Variants in SEMA3E observed in about 807,000 individuals in gnomAD.
The protein encoded by SEMA3E is semaphorin 3E.
SEMA3E carries 49 observed loss-of-function variants against 93.6 expected under a neutral mutation model. The observed-to-expected ratio is 0.52, with a 90% CI of 0.42 to 0.66. The LOEUF (loss-of-function observed/expected upper bound fraction) is 0.66, where lower values mean the gene tolerates loss of function less well. SEMA3E is among the 30% of genes least tolerant of loss of function. The pLI is 0.00. For missense variants in SEMA3E, 906 were observed against 964.8 expected, an observed-to-expected ratio of 0.94 and a Z score of 0.81; for synonymous variants, 363 against 330.7, an observed-to-expected ratio of 1.10 and a Z score of -1.06.
Position 83,407,203 on chromosome 7 carries a change from T to A in SEMA3E, c.707A>T (p.Asn236Ile), listed in dbSNP as rs774036972. 1.9e-5 allele frequency: 31 copies of A among 1,613,298 alleles called. 1 individual carries two copies. The South Asian group carries it at 3.2e-4, about 17-fold the overall frequency. ...TACTTTGTTGTCATCTCTGTCTTCATTGTCAGGAATCATGTATGAACCTAC... is the reference window on the plus strand; with the variant it reads ...TACTTTGTTGTCATCTCTGTCTTCAATGTCAGGAATCATGTATGAACCTAC... The part of the protein sequence containing the change: ...KFVGSYMIPD[N>I]EDRDDNKVYF... Residue 236 changes from asparagine (N) to isoleucine (I), a missense_variant, in exon 7 of 17, where the codon AAT (asparagine) becomes ATT (isoleucine). Physicochemically the swap from Asn to Ile is moderately radical, Grantham distance 149. Transcript: ENST00000643230.
intron 1 of SEMA3E, among the ~76,000 whole-genome samples, chr7:83,619,900 T>TAGACAGACAGACAGACAGACAGAC (rs1224607258): frequency 3.4e-5 from 4 of 117,812 alleles, no homozygotes; most frequent in East Asian, 2.5e-4. Flanking sequence ...GATAGATAGA[T>TAGACAGACAGACAGACAGACAGAC]AGACAGATAG....
chr7:83,518,714 C>A (rs533057480), intron 1 of SEMA3E, among the ~76,000 whole-genome samples: 1 of 152,036 alleles, frequency 6.6e-6, no homozygotes, highest in Non-Finnish European at 1.5e-5. Context: ...TTTCTCTGTC[C>A]TGCTGCATTC....
intron 2 of SEMA3E, among the ~76,000 whole-genome samples, chr7:83,472,533 T>A (rs1204020472): frequency 6.6e-6 from 1 of 152,152 alleles, no homozygotes; most frequent in Admixed American, 6.5e-5. Flanking sequence ...TCACCTTCCC[T>A]CACCAGAATG....
At chr7:83,617,391 T>G (rs1584367079) in intron 1 of SEMA3E, among the ~76,000 whole-genome samples, 1 of 147,732 alleles carries the variant, frequency 6.8e-6, no homozygotes, top group East Asian at 2.0e-4. Context: ...CCATTTCACT[T>G]ACTGGAATTT....
In SEMA3E at chr7:83,363,296, T is replaced by C. The variant is rs1343174873; in HGVS notation, c.*4290A>G. On this transcript the variant is annotated 3_prime_UTR_variant, in exon 17 of 17. Coordinates refer to ENST00000643230, the MANE Select transcript of SEMA3E (RefSeq NM_012431.3). The stretch of plus-strand genomic sequence containing the variant: ...TCGAAGTTGAGCCAAATAGAGATTG[T>C]ACATAATGGTACATAGCGCGTAGTG... The C allele has an allele frequency of 6.6e-6, 1 of 152,198 alleles. No homozygotes were observed. The highest frequency in any genetic ancestry group is 1.5e-5 in the Non-Finnish European group (1 of 68,052). 9.4% of individuals were successfully genotyped at this position (152,198 alleles called of 1,614,324 possible).
At chr7:83,566,896 T>A (rs868293673) in intron 1 of SEMA3E, among the ~76,000 whole-genome samples, 1 of 152,044 alleles carries the variant, frequency 6.6e-6, no homozygotes, top group South Asian at 2.1e-4. Flanking sequence ...AAAAATCAAT[T>A]CATAAAATGA....
intron 16 of SEMA3E, among the ~76,000 whole-genome samples, chr7:83,368,677 C>T (rs780130523): frequency 5.3e-5 from 8 of 152,212 alleles, no homozygotes; most frequent in African/African-American, 9.6e-5. Context: ...AAGGATCAGA[C>T]GGAATAGCAA....
chr7:83,488,736 G>T (rs1790319348), intron 2 of SEMA3E, among the ~76,000 whole-genome samples: 1 of 152,080 alleles, frequency 6.6e-6, no homozygotes, highest in South Asian at 2.1e-4. Context: ...CTGAGAGAAT[G>T]CTCCAGGTGA....
intron 16 of SEMA3E, among the ~76,000 whole-genome samples, chr7:83,378,908 A>C (rs1787715416): frequency 6.6e-6 from 1 of 151,862 alleles, no homozygotes; most frequent in Non-Finnish European, 1.5e-5. Flanking sequence ...ATATACCTAA[A>C]GGGAAAGAAC....
At chr7:83,585,092 A>T (rs1256062311) in intron 1 of SEMA3E, among the ~76,000 whole-genome samples, 1 of 152,054 alleles carries the variant, frequency 6.6e-6, no homozygotes, top group East Asian at 1.9e-4. Flanking sequence ...GGTTATTTGC[A>T]TGTGCTGTTC....
intron 1 of SEMA3E, among the ~76,000 whole-genome samples, chr7:83,622,119 C>T (rs1443359151): frequency 1.3e-5 from 2 of 151,276 alleles, no homozygotes; most frequent in South Asian, 2.1e-4. Context: ...ATCCAGTCGA[C>T]GAGGAACTTA....
At chr7:83,406,650 A>G (rs375066133) in intron 7 of SEMA3E, among the ~76,000 whole-genome samples, 1 of 152,134 alleles carries the variant, frequency 6.6e-6, no homozygotes, top group African/African-American at 2.4e-5. Flanking sequence ...TGCTACTCCT[A>G]TTGGTTTTAA....
chr7:83,573,111 A>G (rs200082365), intron 1 of SEMA3E, among the ~76,000 whole-genome samples: 6,785 of 119,316 alleles, frequency 0.057, 410 homozygotes, highest in African/African-American at 0.19. Context: ...TACAGCCTAC[A>G]GACAGCCTAC....
intron 5 of SEMA3E, among the ~76,000 whole-genome samples, chr7:83,417,006 CACACACACAGGGAG>C (rs922523874): frequency 1.5e-5 from 1 of 66,302 alleles, no homozygotes; most frequent in Non-Finnish European, 4.5e-5. Flanking sequence ...CACACACACA[CACACACACAGGGAG>C]AGAGAGAGAG....
At chr7:83,522,186 G>A (rs1388657268) in intron 1 of SEMA3E, among the ~76,000 whole-genome samples, 5 of 151,894 alleles carry the variant, frequency 3.3e-5, no homozygotes, top group African/African-American at 9.7e-5. Flanking sequence ...TTTATACAAA[G>A]GTACTCTATC....
intron 2 of SEMA3E, among the ~76,000 whole-genome samples, chr7:83,475,591 C>A (rs1483139181): frequency 6.6e-6 from 1 of 152,110 alleles, no homozygotes; most frequent in East Asian, 1.9e-4. Flanking sequence ...CACGCATCAC[C>A]CCCTGCAGGA....
intron 2 of SEMA3E, among the ~76,000 whole-genome samples, chr7:83,470,109 T>C (rs1789861353): frequency 6.6e-6 from 1 of 152,144 alleles, no homozygotes; most frequent in African/African-American, 2.4e-5. Flanking sequence ...TATCCAAAAG[T>C]TTTAATTGTA....
Position 83,464,883 on chromosome 7 carries a change from GC to G in SEMA3E, c.456+1598del, listed in dbSNP as rs572606322. 4.8e-3 allele frequency among the ~76,000 whole-genome samples: 721 copies of G among 149,264 alleles called. 6 individuals carry two copies. The highest frequency in any genetic ancestry group is 0.017 in the African/African-American group (679 of 40,664). ...ATACCACCCCCCAAAAATTTTCGCCGCCCCAACACTTCAACACTATTTTATT... is the reference window on the plus strand; with the variant it reads ...ATACCACCCCCCAAAAATTTTCGCCGCCCAACACTTCAACACTATTTTATT... On this transcript the variant is annotated intron_variant, in intron 4 of 16. Transcript: ENST00000643230.
At chr7:83,387,595 T>C (rs568618090) in intron 14 of SEMA3E, among the ~76,000 whole-genome samples, 1 of 151,980 alleles carries the variant, frequency 6.6e-6, no homozygotes, top group South Asian at 2.1e-4. Context: ...CAGCTTACTT[T>C]TATTCAGATA....
Sources: gnomAD v4.1 joint callset for allele counts (sites outside exome capture counted in the v4.1 genomes callset) on GRCh38, gnomAD v4.1.1 for gene constraint, MANE v1.5 for transcripts, NCBI Gene and HGNC (gene_info 2026-07-23, HGNC 2026-07-21) for gene names.